The following CCDC175 variants were observed in gnomAD, a reference collection of about 807,000 sequenced individuals.
CCDC175 encodes the protein coiled-coil domain containing 175, also known as coiled-coil domain-containing protein 175.
In CCDC175, 100 loss-of-function variants were observed where a neutral mutation model predicts 114.6. That is an observed-to-expected ratio of 0.87 (90% confidence interval 0.74 to 1.03). CCDC175 has a LOEUF of 1.03. Among genes scored for constraint, CCDC175 ranks in the 50% least tolerant of loss-of-function variants. CCDC175 has a pLI of 0.00. For missense variants in CCDC175, 880 were observed against 917.8 expected, an observed-to-expected ratio of 0.96 and a Z score of 0.53; for synonymous variants, 306 against 308.7, an observed-to-expected ratio of 0.99 and a Z score of 0.09.
At chr14:59,548,556 AC>A (rs1460572152) in intron 8 of CCDC175, among the ~76,000 whole-genome samples, 1 of 152,218 alleles carries the variant, frequency 6.6e-6, no homozygotes, top group Non-Finnish European at 1.5e-5. Flanking sequence ...GGGGTCCTAG[AC>A]TGTTCAGAAA....
At chr14:59,510,197 A>G (rs79285327) in intron 19 of CCDC175, among the ~76,000 whole-genome samples, 194 of 152,302 alleles carry the variant, frequency 1.3e-3, no homozygotes, top group Non-Finnish European at 2.3e-3. Flanking sequence ...TCATGAGTCA[A>G]GCATGTTAGA....
Position 59,558,418 on chromosome 14 carries a change from T to A in CCDC175, c.953+2701A>T, listed in dbSNP as rs866866210. On this transcript the variant is annotated intron_variant, in intron 7 of 19. Transcript: ENST00000537690. Reference sequence around the variant, plus strand: ...GTGATCCAGAAAAGATCACGGCTGTTCAGGCTAAAGCTACAGTGGTGGCAG... The same window carrying A: ...GTGATCCAGAAAAGATCACGGCTGTACAGGCTAAAGCTACAGTGGTGGCAG... Among the ~76,000 whole-genome samples, 5 of 152,296 alleles carry A rather than the reference T, an allele frequency of 3.3e-5. No homozygotes were observed. The Middle Eastern group carries it at 0.014, about 414-fold the overall frequency.
chr14:59,542,124 G>A (rs1894826756), intron 10 of CCDC175, among the ~76,000 whole-genome samples: 1 of 152,110 alleles, frequency 6.6e-6, no homozygotes, highest in South Asian at 2.1e-4. Context: ...TTTGTGTGGT[G>A]ATATCATTCT....
chr14:59,511,403 G>A (rs73305614), intron 18 of CCDC175, among the ~76,000 whole-genome samples: 1,805 of 152,156 alleles, frequency 0.012, 27 homozygotes, highest in African/African-American at 0.042. Context: ...AACATGAAGA[G>A]GTAAGGAGTC....
chr14:59,569,823 T>A (rs762669650), intron 3 of CCDC175, among the ~76,000 whole-genome samples: 1 of 152,066 alleles, frequency 6.6e-6, no homozygotes, highest in African/African-American at 2.4e-5. Context: ...ATTAGAGTAA[T>A]TAGAGTATTA....
At chr14:59,546,438 AC>A (rs1895115242) in intron 8 of CCDC175, among the ~76,000 whole-genome samples, 1 of 152,156 alleles carries the variant, frequency 6.6e-6, no homozygotes, top group Admixed American at 6.5e-5. Flanking sequence ...CTTGTAATAA[AC>A]CTGCACATGT....
At chr14:59,530,928 G>C (rs1326205687) in intron 14 of CCDC175, among the ~76,000 whole-genome samples, 1 of 152,028 alleles carries the variant, frequency 6.6e-6, no homozygotes, top group Non-Finnish European at 1.5e-5. Context: ...AGTTGTTCCT[G>C]CTTAAAGACC....
At chr14:59,533,451 C>G (rs748508403) in intron 13 of CCDC175, among the ~76,000 whole-genome samples, 6 of 152,082 alleles carry the variant, frequency 3.9e-5, no homozygotes, top group Non-Finnish European at 8.8e-5. Flanking sequence ...GGTTGTTAAC[C>G]CTTTTCACAT....
At chr14:59,564,995 G>A (rs1896439043) in intron 5 of CCDC175, 52 bp downstream of exon 5, 3 of 1,288,454 alleles carry the variant, frequency 2.3e-6, no homozygotes, top group Non-Finnish European at 3.2e-6. Flanking sequence ...CCCATTTCCT[G>A]CTCCAGATTC....
At position 59,545,236 on chromosome 14, in the gene CCDC175, G is replaced by C; in HGVS notation, c.1099C>G (p.Leu367Val). ...AAAACAATCTTATATTGTCTGGCAA[G>C]AGTTTTCATTTTCTCTCGTAGGTCT... ...YKDLREKMKT[L>V]ARQYKIVLSE... Residue 367 changes from leucine (L) to valine (V), a missense_variant, in exon 9 of 20, where the codon CTT (leucine) becomes GTT (valine). By Grantham distance (32) the Leu-to-Val change is conservative. Transcript: ENST00000537690. The C allele has an allele frequency of 6.5e-7, 1 of 1,536,760 alleles. No homozygotes were observed. The highest frequency in any genetic ancestry group is 1.2e-5 in the South Asian group (1 of 84,012).
In CCDC175 at chr14:59,565,052, C is replaced by T; in HGVS notation, c.715G>A (p.Ala239Thr). 1 of 1,518,372 alleles carries T rather than the reference C, an allele frequency of 6.6e-7. No individual in the cohort carries two copies. The highest frequency in any genetic ancestry group is 8.8e-7 in the Non-Finnish European group (1 of 1,131,302). The allele number at this position is 1,518,372 out of a possible 1,614,324, so 94.1% of individuals were successfully genotyped here. Residue 239 changes from alanine to threonine, a missense_variant, in exon 5 of 20, where the codon GCA (alanine) becomes ACA (threonine). By Grantham distance (58) the Ala-to-Thr change is moderately conservative. Transcript: ENST00000537690. ...GAATAAATCATGCCACTTACCTGTGCAGTCAACTCTTGTTTTCTTATTAGA... is the reference window on the plus strand; with the variant it reads ...GAATAAATCATGCCACTTACCTGTGTAGTCAACTCTTGTTTTCTTATTAGA... ...EYLIRKQELTAQINEFENTRE... is the reference protein window; with the variant it reads ...EYLIRKQELTTQINEFENTRE...
intron 5 of CCDC175, among the ~76,000 whole-genome samples, chr14:59,564,754 T>C (rs1404878646): frequency 1.3e-5 from 2 of 152,238 alleles, no homozygotes; most frequent in Non-Finnish European, 2.9e-5. Context: ...CTGGATAAGA[T>C]GGTAGCCTAT....
intron 17 of CCDC175, among the ~76,000 whole-genome samples, chr14:59,517,014 C>T (rs1056357114): frequency 2.6e-5 from 4 of 152,154 alleles, no homozygotes; most frequent in Non-Finnish European, 5.9e-5. Context: ...GCTGGTTCAA[C>T]AGACACAAAT....
At chr14:59,531,297 T>C (rs898670118) in intron 14 of CCDC175, among the ~76,000 whole-genome samples, 2 of 152,100 alleles carry the variant, frequency 1.3e-5, no homozygotes, top group African/African-American at 4.8e-5. Context: ...CGTCCTCTAC[T>C]AACTCTCAGA....
chr14:59,549,895 G>A (rs1479374293), intron 8 of CCDC175, among the ~76,000 whole-genome samples: 3 of 151,896 alleles, frequency 2.0e-5, no homozygotes, highest in Non-Finnish European at 2.9e-5. Context: ...GTAATTAAAT[G>A]GGATCATATC....
chr14:59,561,063 TATATC>T (rs1448124299), intron 7 of CCDC175, 51 bp downstream of exon 7: 6 of 851,472 alleles, frequency 7.0e-6, no homozygotes, highest in African/African-American at 6.8e-5. Flanking sequence ...TTAACTATAT[TATATC>T]ATATTAACAT....
chr14:59,517,208 A>G (rs1175195059), intron 17 of CCDC175, among the ~76,000 whole-genome samples: 7 of 152,230 alleles, frequency 4.6e-5, no homozygotes, highest in Admixed American at 1.3e-4. Flanking sequence ...CCCACAGCCA[A>G]TATCATACTG....
intron 1 of CCDC175, among the ~76,000 whole-genome samples, chr14:59,575,505 CTTTTTT>C (rs58872671): frequency 3.0e-5 from 3 of 98,410 alleles, no homozygotes; most frequent in African/African-American, 7.6e-5. Context: ...GGTAACATTC[CTTTTTT>C]TTTTTTTTTT....
chr14:59,573,983 C>T (rs553175234), intron 2 of CCDC175, among the ~76,000 whole-genome samples: 26 of 152,236 alleles, frequency 1.7e-4, no homozygotes, highest in Non-Finnish European at 3.2e-4. Context: ...ACTTTAACCA[C>T]AATAAATATT....
Sources: gnomAD v4.1 joint callset for allele counts (sites outside exome capture counted in the v4.1 genomes callset) on GRCh38, gnomAD v4.1.1 for gene constraint, MANE v1.5 for transcripts, NCBI Gene and HGNC (gene_info 2026-07-23, HGNC 2026-07-21) for gene names.